Variants in ZFHX3 observed in about 807,000 individuals in gnomAD.
The protein encoded by ZFHX3 is zinc finger homeobox protein 3.
ZFHX3 carries 42 observed loss-of-function variants against 279.1 expected under a neutral mutation model. The observed-to-expected ratio is 0.15, with a 90% confidence interval of 0.12 to 0.19. The LOEUF is 0.19. ZFHX3 is among the 10% of genes least tolerant of loss of function. The pLI, the probability that ZFHX3 is intolerant of heterozygous loss-of-function variation, is 1.00. For synonymous variants in ZFHX3, 2,293 were observed against 1,957.8 expected (o/e 1.17, Z -4.52); for missense variants, 4,981 against 4,754.0 (o/e 1.05, Z -1.40).
At chr16:73,300,923 G>T (rs982904210) in intron 4 of ZFHX3, among the ~76,000 whole-genome samples, 5 of 152,268 alleles carry the variant, frequency 3.3e-5, no homozygotes, top group Non-Finnish European at 7.3e-5. Flanking sequence ...TGGAGAAGGA[G>T]ACTGATGTTG....
At chr16:73,220,780 G>T (rs1258551420) in intron 5 of ZFHX3, among the ~76,000 whole-genome samples, 3 of 150,336 alleles carry the variant, frequency 2.0e-5, no homozygotes, top group Non-Finnish European at 4.4e-5. Flanking sequence ...GTGTGTGTTT[G>T]TGTGTGTGTC....
At chr16:73,391,704 C>T (rs919288868) in intron 3 of ZFHX3, among the ~76,000 whole-genome samples, 1 of 152,094 alleles carries the variant, frequency 6.6e-6, no homozygotes, top group Non-Finnish European at 1.5e-5. Flanking sequence ...CAGGGAGGGA[C>T]ATCTGGAAGC....
chr16:73,254,708 T>C (rs2013612255), intron 5 of ZFHX3, among the ~76,000 whole-genome samples: 1 of 152,182 alleles, frequency 6.6e-6, no homozygotes, highest in Non-Finnish European at 1.5e-5. Context: ...TCTCATCATG[T>C]TTTTGTCTCA....
chr16:72,996,990 G>A (rs1963319963), intron 1 of ZFHX3, among the ~76,000 whole-genome samples: 1 of 152,166 alleles, frequency 6.6e-6, no homozygotes, highest in South Asian at 2.1e-4. Flanking sequence ...GGCCAAGAAA[G>A]CTACCCAGCT....
intron 1 of ZFHX3, among the ~76,000 whole-genome samples, chr16:73,777,321 G>A (rs551665523): frequency 7.7e-4 from 117 of 152,050 alleles, no homozygotes; most frequent in Middle Eastern, 3.4e-3. Flanking sequence ...AGCTAATATG[G>A]TGAAACCCCG....
At chr16:73,475,417 A>AG (rs2143613068) in intron 2 of ZFHX3, among the ~76,000 whole-genome samples, 1 of 152,316 alleles carries the variant, frequency 6.6e-6, no homozygotes, top group South Asian at 2.1e-4. Flanking sequence ...GCAGAACAAT[A>AG]CTGTTTAGCA....
chr16:73,543,072 A>G (rs2143753763), intron 2 of ZFHX3, among the ~76,000 whole-genome samples: 1 of 152,308 alleles, frequency 6.6e-6, no homozygotes, highest in South Asian at 2.1e-4. Context: ...ATCCTGAATC[A>G]CCACGTGAGG....
intron 3 of ZFHX3, among the ~76,000 whole-genome samples, chr16:73,426,025 C>T (rs1447267859): frequency 2.0e-5 from 3 of 152,168 alleles, no homozygotes; most frequent in Non-Finnish European, 4.4e-5. Flanking sequence ...CCCCTTCTTC[C>T]TTCCAGCCAA....
Position 72,950,628 on chromosome 16 carries a change from C to G in ZFHX3, c.3057G>C (p.Lys1019Asn). Residue 1019 changes from lysine to asparagine, a missense_variant, in exon 3 of 10, where the codon AAG becomes AAC. Physicochemically the swap from Lys to Asn is moderately conservative, Grantham distance 94. Coordinates refer to ENST00000268489, the MANE Select transcript of ZFHX3 (RefSeq NM_006885.4). Reference sequence around the variant, plus strand: ...TCCACTCGTTGGCCTTGCCGCCCTCCTTGATGTGGGCCACCAGCTGGTACT... The same window carrying G: ...TCCACTCGTTGGCCTTGCCGCCCTCGTTGATGTGGGCCACCAGCTGGTACT... ...VQKYQLVAHI[K>N]EGGKANEWRL... 6.2e-7 allele frequency: 1 copy of G among 1,614,218 alleles called. No homozygotes were observed.
At chr16:73,116,205 G>T (rs990526166) in intron 7 of ZFHX3, among the ~76,000 whole-genome samples, 2 of 151,912 alleles carry the variant, frequency 1.3e-5, no homozygotes, top group African/African-American at 4.8e-5. Context: ...CTTGAAAACT[G>T]TTCCTACCTT....
At chr16:73,750,720 A>G (rs544857117) in intron 1 of ZFHX3, among the ~76,000 whole-genome samples, 2 of 152,322 alleles carry the variant, frequency 1.3e-5, no homozygotes, top group Non-Finnish European at 2.9e-5. Flanking sequence ...CCACACACAC[A>G]GGGGCATCCC....
intron 1 of ZFHX3, among the ~76,000 whole-genome samples, chr16:73,823,679 T>G (rs1960816562): frequency 6.6e-6 from 1 of 152,204 alleles, no homozygotes; most frequent in African/African-American, 2.4e-5. Context: ...GGAGAGTTGC[T>G]ACGGAGACCA....
At chr16:73,477,288 T>C (rs540228176) in intron 2 of ZFHX3, among the ~76,000 whole-genome samples, 2 of 152,362 alleles carry the variant, frequency 1.3e-5, no homozygotes, top group South Asian at 2.1e-4. Flanking sequence ...TGGTAAATAT[T>C]GATAAACATT....
At chr16:73,693,879 G>C (rs940023192) in intron 1 of ZFHX3, among the ~76,000 whole-genome samples, 6 of 152,002 alleles carry the variant, frequency 3.9e-5, no homozygotes, top group African/African-American at 1.5e-4. Context: ...AATGGCTCTC[G>C]GGGTAAGAAG....
intron 7 of ZFHX3, among the ~76,000 whole-genome samples, chr16:73,122,797 C>T (rs1966515488): frequency 6.6e-6 from 1 of 152,022 alleles, no homozygotes. Flanking sequence ...TTTCCGTGGC[C>T]CTGGGAGCTG....
At chr16:73,475,472 C>T (rs1299846597) in intron 2 of ZFHX3, among the ~76,000 whole-genome samples, 2 of 151,998 alleles carry the variant, frequency 1.3e-5, no homozygotes, top group African/African-American at 4.8e-5. Context: ...ATTATTATAT[C>T]ATGGTATTTG....
At chr16:73,792,287 G>A (rs768548485) in intron 1 of ZFHX3, among the ~76,000 whole-genome samples, 11 of 152,114 alleles carry the variant, frequency 7.2e-5, no homozygotes, top group Non-Finnish European at 1.3e-4. Flanking sequence ...GAATACGGGG[G>A]AATGAACTCA....
chr16:72,796,989 C>T lies in ZFHX3; in HGVS notation c.5693G>A (p.Gly1898Glu), dbSNP rs753973363. 2.9e-5 allele frequency: 47 copies of T among 1,613,904 alleles called. No individual in the cohort carries two copies. The highest frequency in any genetic ancestry group is 4.0e-5 in the Non-Finnish European group (47 of 1,180,020). ...CTTCGGACCGGTGTTGCCCTCTCCC[C>T]CCTCGGCGCTGTCCCTCTCTCTCTG... ...ESQRERDSAEGGEGNTGPKET... is the reference protein window; with the variant it reads ...ESQRERDSAEEGEGNTGPKET... The change falls in exon 9 of 10, where the codon GGG becomes GAG. Residue 1898 changes from glycine to glutamate, a missense_variant. Gly to Glu is a moderately conservative substitution (Grantham distance 98). Coordinates refer to ENST00000268489, the MANE Select transcript of ZFHX3 (RefSeq NM_006885.4).
chr16:73,126,232 C>T (rs888271832), intron 7 of ZFHX3, among the ~76,000 whole-genome samples: 11 of 152,062 alleles, frequency 7.2e-5, no homozygotes, highest in Non-Finnish European at 1.5e-4. Flanking sequence ...CACAGCGGGG[C>T]ACCAGGAAAT....
Sources: allele counts gnomAD v4.1 joint callset (sites outside exome capture counted in the v4.1 genomes callset), GRCh38; gene constraint gnomAD v4.1.1; transcripts MANE v1.5; gene names NCBI Gene and HGNC (gene_info 2026-07-23, HGNC 2026-07-21).